The following DNAAF1 variants were observed in gnomAD, a reference collection of about 807,000 sequenced individuals.
DNAAF1 encodes dynein assembly factor 1, axonemal.
DNAAF1 carries 65 observed loss-of-function variants against 71.1 expected under a neutral mutation model. That is an observed-to-expected ratio of 0.91 (90% CI 0.75 to 1.12). The LOEUF is 1.12. Ranked by LOEUF, DNAAF1 falls within the 50% of genes most tolerant of loss-of-function variation. The pLI is 0.00. For synonymous variants in DNAAF1, 414 were observed against 354.6 expected, an observed-to-expected ratio of 1.17 and a Z score of -1.88; for missense variants, 1,178 against 899.8, an observed-to-expected ratio of 1.31 and a Z score of -3.96.
At chr16:84,148,193 C>G (rs997902588) in intron 1 of DNAAF1, among the ~76,000 whole-genome samples, 4 of 152,166 alleles carry the variant, frequency 2.6e-5, no homozygotes, top group African/African-American at 9.7e-5. Context: ...CTTGCAAGCA[C>G]TTCTCTATAC....
intron 4 of DNAAF1, among the ~76,000 whole-genome samples, chr16:84,155,338 C>T (rs1357626754): frequency 6.6e-6 from 1 of 152,212 alleles, no homozygotes; most frequent in Non-Finnish European, 1.5e-5. Context: ...AAGCGATCCT[C>T]CCACGTCAGC....
At chr16:84,160,374 C>G (rs983789569) in intron 6 of DNAAF1, among the ~76,000 whole-genome samples, 7 of 152,252 alleles carry the variant, frequency 4.6e-5, no homozygotes, top group African/African-American at 1.7e-4. Context: ...GTAAGGGCTT[C>G]TTTAATATCA....
Position 84,170,370 on chromosome 16 carries a change from A to G in DNAAF1, c.1528+14A>G, listed in dbSNP as rs2088266184. 1 of 1,613,454 alleles carries G rather than the reference A, an allele frequency of 6.2e-7. No homozygotes were observed. The highest frequency in any genetic ancestry group is 8.5e-7 in the Non-Finnish European group (1 of 1,180,032). ...CTGCCAGGGAAGGTAATGTGAGCGGAGAAACACACACAGACACACACACCT... is the reference window on the plus strand; with the variant it reads ...CTGCCAGGGAAGGTAATGTGAGCGGGGAAACACACACAGACACACACACCT... On this transcript the variant is annotated intron_variant, in intron 8 of 11. Transcript: ENST00000378553.
chr16:84,171,504 A>G (rs2088342557), intron 8 of DNAAF1, among the ~76,000 whole-genome samples: 2 of 152,298 alleles, frequency 1.3e-5, no homozygotes, highest in African/African-American at 4.8e-5. Context: ...TGGATGAGGA[A>G]GGGGCTCCTC....
chr16:84,153,710 G>A (rs541307572), intron 3 of DNAAF1, among the ~76,000 whole-genome samples: 9 of 152,292 alleles, frequency 5.9e-5, no homozygotes, highest in African/African-American at 2.2e-4. Context: ...ACACATTGAT[G>A]ACGAGTTACT....
At chr16:84,177,379 A>G (rs1446813275) in intron 11 of DNAAF1, 4 of 356,760 alleles carry the variant, frequency 1.1e-5, no homozygotes, top group Non-Finnish European at 2.2e-5. Context: ...AGGTTCAAGC[A>G]ATTCTCCTGC....
chr16:84,174,867 T>C, intron 10 of DNAAF1, 145 bp downstream of exon 10: 1 of 1,141,804 alleles, frequency 8.8e-7, no homozygotes, highest in Non-Finnish European at 1.3e-6. Context: ...TTCTTTTCTT[T>C]TCTTTTCAGG....
intron 3 of DNAAF1, among the ~76,000 whole-genome samples, chr16:84,151,040 T>C (rs893054693): frequency 3.5e-4 from 53 of 152,188 alleles, no homozygotes; most frequent in African/African-American, 1.2e-3. Context: ...CCTCTTAGAA[T>C]GGAGAGGCGT....
chr16:84,148,921 T>C (rs1242446210), intron 1 of DNAAF1, 86 bp from the exon 2 acceptor site: 6 of 1,474,902 alleles, frequency 4.1e-6, no homozygotes, highest in African/African-American at 1.4e-5. Flanking sequence ...ATACTAAAAG[T>C]GGATGGTCAT....
In DNAAF1 at chr16:84,150,355, G is replaced by C; in HGVS notation, c.352+13G>C. On this transcript the variant is annotated intron_variant, in intron 3 of 11. Transcript: ENST00000378553. ...TTACACTTTAAAGGTAAGGACCTAA[G>C]AGAGGAAGTGCTTCACGTCAGGTGG... The C allele has an allele frequency of 6.3e-7, 1 of 1,575,836 alleles. No individual in the cohort carries two copies. The highest frequency in any genetic ancestry group is 8.7e-7 in the Non-Finnish European group (1 of 1,145,114).
rs34794654 is a variant in DNAAF1 at position 84,150,306 on chromosome 16, C to G, written c.316C>G (p.Pro106Ala). The G allele has an allele frequency of 3.7e-6, 6 of 1,613,930 alleles. No individual in the cohort carries two copies. The South Asian group carries it at 6.6e-5, about 18-fold the overall frequency. The change falls in exon 3 of 12, where the codon CCA (proline) becomes GCA (alanine). Residue 106 changes from proline to alanine, a missense_variant. Transcript: ENST00000378553. Reference sequence around the variant, plus strand: ...CAAGCAGCACAAGCTTTATATTACCCCAGCATTGAATGATACGCTGTATTT... The same window carrying G: ...CAAGCAGCACAAGCTTTATATTACCGCAGCATTGAATGATACGCTGTATTT... ...LCKQHKLYIT[P>A]ALNDTLYLHF...
In DNAAF1 at chr16:84,171,426, G is replaced by A. The variant is rs149680237; in HGVS notation, c.1529-834G>A. On this transcript the variant is annotated intron_variant, in intron 8 of 11. Coordinates refer to ENST00000378553, the MANE Select transcript of DNAAF1 (RefSeq NM_178452.6). Reference sequence around the variant, plus strand: ...GAGATTGCACCACTGCACTCCAGCCGGGGTGACAGAGTGAGACCCTGTATC... The same window carrying A: ...GAGATTGCACCACTGCACTCCAGCCAGGGTGACAGAGTGAGACCCTGTATC... Among the ~76,000 whole-genome samples, 626 of 152,160 alleles carry A rather than the reference G, an allele frequency of 4.1e-3. 10 individuals carry two copies. Among genetic ancestry groups the A allele is most frequent in the East Asian group, 0.032 (168 of 5,176 alleles).
intron 11 of DNAAF1, 100 bp downstream of exon 11, chr16:84,176,399 TG>T: frequency 6.4e-7 from 1 of 1,573,076 alleles, no homozygotes; most frequent in Non-Finnish European, 8.7e-7. Context: ...TGAGCTTTCA[TG>T]TTGCTGGAGG....
chr16:84,177,855 T>C lies in DNAAF1; in HGVS notation c.*14T>C, dbSNP rs751616360. 1.3e-6 allele frequency: 2 copies of C among 1,598,134 alleles called. No homozygotes were observed. The highest frequency in any genetic ancestry group is 1.7e-6 in the Non-Finnish European group (2 of 1,165,580). On this transcript the variant is annotated 3_prime_UTR_variant, in exon 12 of 12. Transcript: ENST00000378553. ...AAAGCATCATAGTTTTCCCCAGTTA[T>C]ATGTAGCATAAATGGTTTAATCATA...
intron 6 of DNAAF1, among the ~76,000 whole-genome samples, chr16:84,162,702 C>A (rs1597447743): frequency 1.3e-5 from 2 of 152,154 alleles, no homozygotes; most frequent in South Asian, 4.1e-4. Flanking sequence ...GCCTGTAGTC[C>A]CAGCTACTTG....
intron 2 of DNAAF1, among the ~76,000 whole-genome samples, chr16:84,150,030 A>G (rs1048203969): frequency 2.0e-5 from 3 of 152,228 alleles, no homozygotes; most frequent in Non-Finnish European, 2.9e-5. Context: ...GTCTCAAAAA[A>G]AAAAATGCTG....
rs1382700646 is a variant in DNAAF1 at position 84,172,308 on chromosome 16, T to G, written c.1577T>G (p.Leu526Arg). 1 of 1,614,204 alleles carries G rather than the reference T, an allele frequency of 6.2e-7. No individual in the cohort carries two copies. The highest frequency in any genetic ancestry group is 8.5e-7 in the Non-Finnish European group (1 of 1,180,024). ...VATEGVFVTE[L>R]DGTRTEDLET... ...ACTGAGGGTGTATTCGTTACAGAAC[T>G]TGATGGAACGAGAACGGAAGATTTA... The change falls in exon 9 of 12, where the codon CTT becomes CGT. Residue 526 changes from leucine to arginine, a missense_variant. Transcript: ENST00000378553.
At chr16:84,157,026 T>A (rs896207725) in intron 5 of DNAAF1, among the ~76,000 whole-genome samples, 5 of 151,908 alleles carry the variant, frequency 3.3e-5, no homozygotes, top group African/African-American at 1.2e-4. Flanking sequence ...CTAATTTTTA[T>A]ATTTTTTGTA....
intron 6 of DNAAF1, among the ~76,000 whole-genome samples, chr16:84,163,276 G>T (rs982314148): frequency 6.6e-6 from 1 of 151,798 alleles, no homozygotes; most frequent in Non-Finnish European, 1.5e-5. Flanking sequence ...CAAAGCAGCT[G>T]CACCATTTTA....
Sources: gnomAD v4.1 joint callset for allele counts (sites outside exome capture counted in the v4.1 genomes callset) on GRCh38, gnomAD v4.1.1 for gene constraint, MANE v1.5 for transcripts, NCBI Gene and HGNC (gene_info 2026-07-23, HGNC 2026-07-21) for gene names.